Variants in NKD1 observed in about 807,000 individuals in gnomAD.
The protein encoded by NKD1 is protein naked cuticle homolog 1.
Under a neutral mutation model 56.0 loss-of-function variants are expected in NKD1, and 21 were observed. The ratio of observed to expected loss-of-function variants is 0.38; its 90% CI spans 0.27 to 0.54. The LOEUF (loss-of-function observed/expected upper bound fraction) is 0.54, where lower values mean the gene tolerates loss of function less well. Ranked by LOEUF, NKD1 falls within the 20% of genes least tolerant of loss-of-function variation. The probability of loss-of-function intolerance (pLI) is 0.82; values close to 1 mark genes in which losing one functional copy is unlikely to be tolerated. For synonymous variants in NKD1, 263 were observed against 265.7 expected (o/e 0.99, Z 0.10); for missense variants, 578 against 642.7 (o/e 0.90, Z 1.09).
intron 3 of NKD1, among the ~76,000 whole-genome samples, chr16:50,564,136 G>T (rs1393582562): frequency 6.6e-6 from 1 of 152,378 alleles, no homozygotes; most frequent in East Asian, 1.9e-4. Flanking sequence ...CCCCTTCCTT[G>T]TAACATAGCT....
chr16:50,548,647 C>T lies in NKD1; in HGVS notation c.25+69C>T, dbSNP rs563893358. On this transcript the variant is annotated intron_variant, in intron 1 of 9. Coordinates refer to ENST00000268459, the MANE Select transcript of NKD1 (RefSeq NM_033119.5). ...TCGCCGCCGCGGTCGCTAACTCTCTCCCTTCCTTTCTTTCCTTCTCCCGCC... is the reference window on the plus strand; with the variant it reads ...TCGCCGCCGCGGTCGCTAACTCTCTTCCTTCCTTTCTTTCCTTCTCCCGCC... The T allele has an allele frequency of 1.5e-4, 223 of 1,463,148 alleles. No homozygotes were observed. In the South Asian group the frequency reaches 2.7e-3, roughly 18 times the overall value. The allele number at this position is 1,463,148 out of a possible 1,614,324, so 90.6% of individuals were successfully genotyped here.
intron 3 of NKD1, among the ~76,000 whole-genome samples, chr16:50,595,896 C>T (rs1961461633): frequency 6.6e-6 from 1 of 152,178 alleles, no homozygotes; most frequent in Admixed American, 6.5e-5. Context: ...CCTTCTAGAT[C>T]CCCATACTTT....
intron 4 of NKD1, among the ~76,000 whole-genome samples, chr16:50,615,804 G>A (rs1007803846): frequency 1.3e-5 from 2 of 152,226 alleles, no homozygotes; most frequent in East Asian, 1.9e-4. Context: ...GGAATAATGT[G>A]TGGTACTACT....
In NKD1 at chr16:50,638,670, A is replaced by G. The variant is rs1596768133; in HGVS notation, c.*4889A>G. The G allele has an allele frequency of 1.3e-5, 2 of 151,932 alleles. No individual in the cohort carries two copies. The highest frequency in any genetic ancestry group is 2.1e-4 in the South Asian group (1 of 4,792). The allele number at this position is 151,932 out of a possible 1,614,324, so 9.4% of individuals were successfully genotyped here. A position where few individuals can be genotyped will look rare whatever the true frequency, so the allele number is the denominator to read the frequency against. Reference sequence around the variant, plus strand: ...CAAACCAGCAGTCGTTTGTACCCCAACCCTCTGCTCAGGGGCTCATACCCC... The same window carrying G: ...CAAACCAGCAGTCGTTTGTACCCCAGCCCTCTGCTCAGGGGCTCATACCCC... On this transcript the variant is annotated 3_prime_UTR_variant, in exon 10 of 10. Transcript: ENST00000268459.
intron 3 of NKD1, chr16:50,558,739 A>G (rs1960557559): frequency 6.6e-6 from 1 of 151,464 alleles, no homozygotes; most frequent in Non-Finnish European, 1.5e-5. Context: ...AAAAAAAAGA[A>G]AGAAAAGAAA....
At chr16:50,610,801 G>A (rs1464390895) in intron 4 of NKD1, among the ~76,000 whole-genome samples, 2 of 152,260 alleles carry the variant, frequency 1.3e-5, no homozygotes, top group African/African-American at 2.4e-5. Context: ...GGGAGCGGGA[G>A]GGATGGGAGA....
Position 50,608,308 on chromosome 16 carries a change from C to T in NKD1, c.207C>T (p.Asp69=), listed in dbSNP as rs762904909. 2.7e-5 allele frequency: 43 copies of T among 1,612,772 alleles called. No homozygotes were observed. Among genetic ancestry groups the T allele is most frequent in the South Asian group, 1.2e-4 (11 of 91,068 alleles). ...IGRSTRELVG[D]VLRDTLSEEE... is the part of the protein sequence containing the mutation. ...TCTTCTTGTAGGAGCTCGTGGGCGA[C>T]GTGTTGAGAGACACGCTCAGCGAGG... Residue 69 remains aspartate, a synonymous_variant, in exon 4 of 10, where the codon GAC becomes GAT. Coordinates refer to ENST00000268459, the MANE Select transcript of NKD1 (RefSeq NM_033119.5).
intron 3 of NKD1, among the ~76,000 whole-genome samples, chr16:50,580,170 G>A (rs192073658): frequency 3.9e-5 from 6 of 152,376 alleles, no homozygotes; most frequent in Admixed American, 3.3e-4. Flanking sequence ...GCCTCTCCAG[G>A]TGGGCTTTCT....
At chr16:50,619,259 C>G (rs754894948) in intron 4 of NKD1, among the ~76,000 whole-genome samples, 2 of 151,942 alleles carry the variant, frequency 1.3e-5, no homozygotes, top group Non-Finnish European at 2.9e-5. Flanking sequence ...TGATATTACT[C>G]TGGTTTCTCC....
At chr16:50,611,255 T>C (rs1289156170) in intron 4 of NKD1, among the ~76,000 whole-genome samples, 1 of 151,906 alleles carries the variant, frequency 6.6e-6, no homozygotes, top group African/African-American at 2.4e-5. Flanking sequence ...CCCGCCCAGC[T>C]TCTTGGCTAT....
At chr16:50,628,029 C>T (rs552041485) in intron 6 of NKD1, among the ~76,000 whole-genome samples, 6 of 152,254 alleles carry the variant, frequency 3.9e-5, no homozygotes, top group East Asian at 3.9e-4. Context: ...GAGTCCTCTG[C>T]GGGCCTCGTC....
Position 50,633,448 on chromosome 16 carries a change from C to T in NKD1, c.1080C>T (p.His360=), listed in dbSNP as rs79472964. 2.3e-3 allele frequency: 3,760 copies of T among 1,609,716 alleles called. 80 individuals carry two copies. In the African/African-American group the frequency reaches 0.044, roughly 19 times the overall value. ...AGGGCAAGAGTGTGGGTGTGGGCCA[C>T]GTGGCCAGAGGGGCAAGAAACAAGC... is the stretch of plus-strand genomic sequence containing the variant. The part of the protein sequence containing the change: ...KAQGKSVGVG[H]VARGARNKPP... Residue 360 remains histidine, a synonymous_variant, in exon 10 of 10, where the codon CAC becomes CAT. Coordinates refer to ENST00000268459, the MANE Select transcript of NKD1 (RefSeq NM_033119.5). This position sits in a 1 kb window ranked among gnomAD's most constrained non-coding sequence, Gnocchi z 4.9.
rs1484995644 is a variant in NKD1, at chr16:50,590,188, C to T, written c.193-18106C>T. ...TTGATACTATAGGTGACCTCTCCTG[C>T]CAATCCAGCTTTCCCATTTTTGGAG... On this transcript the variant is annotated intron_variant, in intron 3 of 9. Transcript: ENST00000268459. Among the ~76,000 whole-genome samples, 5 of 152,146 alleles carry T rather than the reference C, an allele frequency of 3.3e-5. No homozygotes were observed. The East Asian group carries it at 9.6e-4, about 29-fold the overall frequency.
At chr16:50,580,299 T>C (rs1360801332) in intron 3 of NKD1, among the ~76,000 whole-genome samples, 1 of 152,258 alleles carries the variant, frequency 6.6e-6, no homozygotes, top group Non-Finnish European at 1.5e-5. Flanking sequence ...CACTGTGTGC[T>C]CACCCCTTCC....
chr16:50,565,162 T>A (rs995131382), intron 3 of NKD1, among the ~76,000 whole-genome samples: 4 of 149,794 alleles, frequency 2.7e-5, no homozygotes, highest in Admixed American at 2.0e-4. Context: ...GATCACAAGG[T>A]CAGGAGATCG....
Position 50,548,725 on chromosome 16 carries a change from T to G in NKD1, c.34T>G (p.Cys12Gly). Residue 12 changes from cysteine (C) to glycine (G), a missense_variant, in exon 2 of 10, where the codon TGC becomes GGC. Physicochemically the swap from Cys to Gly is radical, Grantham distance 159 (BLOSUM62 -3). Coordinates refer to ENST00000268459, the MANE Select transcript of NKD1 (RefSeq NM_033119.5). ...TCGCGATGTGCCTGCAGCCGCCGTG[T>G]GCAAGCGCAGGGAGAGCCCGGAAGG... ...GKLHSKPAAV[C>G]KRRESPEGDS... 3 of 1,452,580 alleles carry G rather than the reference T, an allele frequency of 2.1e-6. No individual in the cohort carries two copies. Among genetic ancestry groups the G allele is most frequent in the South Asian group, 2.7e-5 (2 of 74,082 alleles). The allele number at this position is 1,452,580 out of a possible 1,614,324, so 90.0% of individuals were successfully genotyped here.
chr16:50,616,883 T>C (rs914791269), intron 4 of NKD1, among the ~76,000 whole-genome samples: 15 of 152,176 alleles, frequency 9.9e-5, no homozygotes, highest in Non-Finnish European at 1.0e-4. Context: ...GTCATATGAG[T>C]GGCACCACCT....
In NKD1 at chr16:50,570,513, G is replaced by T. The variant is rs181587065; in HGVS notation, c.192+20958G>T. On this transcript the variant is annotated intron_variant, in intron 3 of 9. Transcript: ENST00000268459. ...CAGGACCGATTCAGATGCTGGCCCT[G>T]CCACTTACTAGCTGTGTGACCTTTG... is the stretch of plus-strand genomic sequence containing the variant. 4.4e-3 allele frequency among the ~76,000 whole-genome samples: 671 copies of T among 152,332 alleles called. 7 individuals are homozygous for T. The highest frequency in any genetic ancestry group is 0.015 in the African/African-American group (640 of 41,568).
At chr16:50,614,794 T>G (rs1462458840) in intron 4 of NKD1, among the ~76,000 whole-genome samples, 1 of 152,182 alleles carries the variant, frequency 6.6e-6, no homozygotes, top group Non-Finnish European at 1.5e-5. Context: ...ACAATCTTAA[T>G]AGATTGAGGA....
Sources: gnomAD v4.1 joint callset for allele counts (sites outside exome capture counted in the v4.1 genomes callset) on GRCh38, gnomAD v4.1.1 for gene constraint, Gnocchi (gnomAD v3.1) non-coding constraint, MANE v1.5 for transcripts, NCBI Gene and HGNC (gene_info 2026-07-23, HGNC 2026-07-21) for gene names.